Variants in ZMYM4 observed in about 807,000 individuals in gnomAD.
ZMYM4 encodes the protein zinc finger MYM-type containing 4, also known as zinc finger MYM-type protein 4.
A neutral mutation model predicts 183.2 loss-of-function variants in ZMYM4; 31 were observed. That is an observed-to-expected ratio of 0.17 (90% CI 0.13 to 0.23). ZMYM4 has a LOEUF of 0.23. Among genes scored for constraint, ZMYM4 ranks in the 10% least tolerant of loss-of-function variants. ZMYM4 has a pLI of 1.00. For missense variants in ZMYM4, 1,273 were observed against 1,840.3 expected (o/e 0.69, Z 5.64); for synonymous variants, 592 against 631.2 (o/e 0.94, Z 0.93).
chr1:35,393,388 G>A (rs1392207015), intron 17 of ZMYM4, among the ~76,000 whole-genome samples: 2 of 152,126 alleles, frequency 1.3e-5, no homozygotes, highest in Non-Finnish European at 1.5e-5. Context: ...TTAGAGACAT[G>A]CAGAGTAATA....
chr1:35,295,643 C>T (rs1244663728), intron 1 of ZMYM4, among the ~76,000 whole-genome samples: 1 of 152,160 alleles, frequency 6.6e-6, no homozygotes, highest in African/African-American at 2.4e-5. Context: ...CAAAATTGCT[C>T]TGGTTAAGAA....
At chr1:35,304,317 C>T (rs1641427280) in intron 1 of ZMYM4, among the ~76,000 whole-genome samples, 2 of 152,130 alleles carry the variant, frequency 1.3e-5, no homozygotes, top group South Asian at 2.1e-4. Flanking sequence ...AGCCACCGCG[C>T]CCGGCCATAC....
chr1:35,314,292 C>CT lies in ZMYM4; in HGVS notation c.40-11058dup, dbSNP rs1220406102. Among the ~76,000 whole-genome samples the CT allele has an allele frequency of 1.2e-3, 176 of 148,458 alleles. 1 individual carries two copies. Among genetic ancestry groups the CT allele is most frequent in the African/African-American group, 3.7e-3 (150 of 40,588 alleles). Reference sequence around the variant, plus strand: ...TCCCTCAAAAAAAAAATAGTTTACTCTTTTTTTTTTGAGACGGAGTCTTGC... The same window carrying CT: ...TCCCTCAAAAAAAAAATAGTTTACTCTTTTTTTTTTTGAGACGGAGTCTTGC... On this transcript the variant is annotated intron_variant, in intron 1 of 29. Transcript: ENST00000314607.
At position 35,398,480 on chromosome 1, in the gene ZMYM4, AAT is replaced by A; in HGVS notation, c.3253+17_3253+18del. 1 of 1,607,794 alleles carries A rather than the reference AAT, an allele frequency of 6.2e-7. No individual in the cohort carries two copies. Among genetic ancestry groups the A allele is most frequent in the Non-Finnish European group, 8.5e-7 (1 of 1,176,872 alleles). On this transcript the variant is annotated intron_variant, in intron 21 of 29. Transcript: ENST00000314607. ...TATTTGAAAAAGGTTTGTAGTTGAA[AAT>A]ATGTTTTGATTTTTAGAAATACTAC...
chr1:35,385,010 T>C (rs895480034), intron 9 of ZMYM4, among the ~76,000 whole-genome samples: 1 of 151,656 alleles, frequency 6.6e-6, no homozygotes, highest in Non-Finnish European at 1.5e-5. Context: ...GCCTGGCTAA[T>C]TTTTTTTGTA....
rs530352370 is a variant in ZMYM4 at position 35,344,569 on chromosome 1, G to A, written c.86-14356G>A. On this transcript the variant is annotated intron_variant, in intron 2 of 29. Coordinates refer to ENST00000314607, the MANE Select transcript of ZMYM4 (RefSeq NM_005095.3). The stretch of plus-strand genomic sequence containing the variant: ...TTTTCATGAATGAGTATTAAATTTT[G>A]TCAGTTGCTTTTTCTCTACTTAGAT... Among the ~76,000 whole-genome samples, 4 of 151,436 alleles carry A rather than the reference G, an allele frequency of 2.6e-5. No individual in the cohort carries two copies. In the East Asian group the frequency reaches 7.7e-4, roughly 29 times the overall value.
intron 1 of ZMYM4, among the ~76,000 whole-genome samples, chr1:35,319,469 A>G (rs1370992390): frequency 2.6e-5 from 4 of 152,044 alleles, no homozygotes; most frequent in Non-Finnish European, 5.9e-5. Flanking sequence ...AGAAAATTTT[A>G]AAAAATTAGC....
intron 1 of ZMYM4, among the ~76,000 whole-genome samples, chr1:35,290,165 T>C (rs202221565): frequency 6.6e-6 from 1 of 152,004 alleles, no homozygotes; most frequent in South Asian, 2.1e-4. Flanking sequence ...ACAGGGTTTC[T>C]CCATGTTGGC....
chr1:35,363,916 ATC>A (rs1016870050), intron 5 of ZMYM4, among the ~76,000 whole-genome samples: 4 of 152,140 alleles, frequency 2.6e-5, no homozygotes, highest in Non-Finnish European at 5.9e-5. Context: ...TACCAAAATC[ATC>A]TCTTTCTTTT....
intron 2 of ZMYM4, among the ~76,000 whole-genome samples, chr1:35,358,568 T>C (rs1260374606): frequency 6.6e-6 from 1 of 152,166 alleles, no homozygotes; most frequent in Admixed American, 6.5e-5. Flanking sequence ...GTGAGTATTA[T>C]GCTGTTGTAT....
In ZMYM4 at chr1:35,359,384, G is replaced by T. The variant is rs368093237; in HGVS notation, c.545G>T (p.Arg182Leu). 4 of 1,594,862 alleles carry T rather than the reference G, an allele frequency of 2.5e-6. No homozygotes were observed. In the South Asian group the frequency reaches 4.6e-5, roughly 19 times the overall value. The change falls in exon 3 of 30, where the codon CGG becomes CTG. Residue 182 changes from arginine (R) to leucine (L), a missense_variant. Physicochemically the swap from Arg to Leu is moderately radical, Grantham distance 102 (BLOSUM62 -2). Around this residue, in one of 6 missense-constraint regions of ZMYM4, gnomAD observed 384 missense variants for 465.6 expected, o/e 0.82. Coordinates refer to ENST00000314607, the MANE Select transcript of ZMYM4 (RefSeq NM_005095.3). The stretch of plus-strand genomic sequence containing the variant: ...GACCTAACTTATGAACGTGAAAAAC[G>T]GTTGGATAAACCCCATAAAGATTTG... ...NRDLTYEREK[R>L]LDKPHKDLDS...
At chr1:35,313,369 T>C (rs1570327586) in intron 1 of ZMYM4, among the ~76,000 whole-genome samples, 5 of 148,436 alleles carry the variant, frequency 3.4e-5, no homozygotes, top group Admixed American at 2.8e-4. Flanking sequence ...CTTTTATCTG[T>C]CACTTTTTCT....
chr1:35,304,279 C>A (rs1289594481), intron 1 of ZMYM4, among the ~76,000 whole-genome samples: 1 of 152,214 alleles, frequency 6.6e-6, no homozygotes, highest in East Asian at 1.9e-4. Flanking sequence ...CCGCCTTGGT[C>A]TCCCAAAGTG....
At chr1:35,305,954 C>T (rs944840295) in intron 1 of ZMYM4, among the ~76,000 whole-genome samples, 3 of 152,138 alleles carry the variant, frequency 2.0e-5, no homozygotes, top group Non-Finnish European at 2.9e-5. Flanking sequence ...ACCCTCCCCA[C>T]CCTTTGACTT....
intron 5 of ZMYM4, 89 bp from the exon 6 acceptor site, chr1:35,369,940 T>C (rs1644167599): frequency 1.2e-5 from 10 of 867,190 alleles, no homozygotes; most frequent in Non-Finnish European, 1.6e-5. Flanking sequence ...CACCTCTATA[T>C]AGTGGTAGTA....
intron 2 of ZMYM4, among the ~76,000 whole-genome samples, chr1:35,354,103 C>G (rs1643727112): frequency 6.6e-6 from 1 of 151,796 alleles, no homozygotes; most frequent in South Asian, 2.1e-4. Flanking sequence ...GAGCCGTGGT[C>G]ATGCCACTGC....
chr1:35,309,078 T>C (rs189603000), intron 1 of ZMYM4: 8 of 982,174 alleles, frequency 8.1e-6, no homozygotes, highest in Non-Finnish European at 9.7e-6. Context: ...AGAGAGGTTC[T>C]ATAGCACAGT....
intron 2 of ZMYM4, among the ~76,000 whole-genome samples, chr1:35,356,783 A>G (rs1643833283): frequency 6.6e-6 from 1 of 152,214 alleles, no homozygotes; most frequent in Non-Finnish European, 1.5e-5. Flanking sequence ...GTGGGGAGCT[A>G]TTGAAGAATC....
At chr1:35,305,130 G>A (rs751912155) in intron 1 of ZMYM4, among the ~76,000 whole-genome samples, 3 of 151,992 alleles carry the variant, frequency 2.0e-5, no homozygotes, top group South Asian at 2.1e-4. Context: ...AGGCGTGAGC[G>A]ACTGCGCCCA....
Sources: allele counts gnomAD v4.1 joint callset (sites outside exome capture counted in the v4.1 genomes callset), GRCh38; gene constraint gnomAD v4.1.1; regional missense constraint gnomAD v4.1.1; transcripts MANE v1.5; gene names NCBI Gene and HGNC (gene_info 2026-07-23, HGNC 2026-07-21).